The following COX10 variants were observed in gnomAD, a reference collection of about 807,000 sequenced individuals.
COX10 encodes protoheme IX farnesyltransferase, mitochondrial.
A neutral mutation model predicts 37.3 loss-of-function variants in COX10; 27 were observed. That is an observed-to-expected ratio of 0.72 (90% CI 0.53 to 1.00). COX10 has a LOEUF of 1.00. Ranked by LOEUF, COX10 falls within the 50% of genes least tolerant of loss-of-function variation. COX10 has a pLI of 0.00. For missense variants in COX10, 475 were observed against 563.2 expected, an observed-to-expected ratio of 0.84 and a Z score of 1.59; for synonymous variants, 222 against 229.1, an observed-to-expected ratio of 0.97 and a Z score of 0.28.
intron 5 of COX10, among the ~76,000 whole-genome samples, chr17:14,170,660 A>G (rs1030671589): frequency 6.6e-6 from 1 of 152,092 alleles, no homozygotes; most frequent in African/African-American, 2.4e-5. Flanking sequence ...ACAGAAAAAA[A>G]TTTTAAAATT....
rs144563371 is a variant in COX10 at position 14,203,583 on chromosome 17, C to G, written c.929-3227C>G. Among the ~76,000 whole-genome samples, 27 of 152,294 alleles carry G rather than the reference C, an allele frequency of 1.8e-4. No homozygotes were observed. In the East Asian group the frequency reaches 5.2e-3, roughly 29 times the overall value. On this transcript the variant is annotated intron_variant, in intron 6 of 6. Coordinates refer to ENST00000261643, the MANE Select transcript of COX10 (RefSeq NM_001303.4). ...TTTAGATGACTTGCAAAGCCTGCCC[C>G]TAGTGTCACTCTGCACTCTGTGCTG...
At chr17:14,069,680 G>A (rs763650376) in intron 1 of COX10, 32 bp downstream of exon 1, 8 of 1,613,734 alleles carry the variant, frequency 5.0e-6, no homozygotes, top group East Asian at 2.2e-5. Context: ...CGACCTTGGG[G>A]GAAATTCTTC....
chr17:14,113,605 G>A (rs564527889), intron 4 of COX10, among the ~76,000 whole-genome samples: 1 of 152,118 alleles, frequency 6.6e-6, no homozygotes, highest in Non-Finnish European at 1.5e-5. Context: ...TTAGCTCGTA[G>A]ATTCAGCTGC....
intron 3 of COX10, among the ~76,000 whole-genome samples, chr17:14,081,992 G>A (rs1471455195): frequency 1.3e-5 from 2 of 152,198 alleles, no homozygotes; most frequent in Non-Finnish European, 2.9e-5. Context: ...CAGGTGGAGA[G>A]ACCCAGTGGG....
At chr17:14,166,547 A>G (rs528929190) in intron 5 of COX10, among the ~76,000 whole-genome samples, 3 of 151,906 alleles carry the variant, frequency 2.0e-5, no homozygotes, top group African/African-American at 7.2e-5. Flanking sequence ...CAAGGAAACT[A>G]ATGTTTTCAT....
chr17:14,161,323 T>C (rs1905166296), intron 5 of COX10, among the ~76,000 whole-genome samples: 1 of 152,154 alleles, frequency 6.6e-6, no homozygotes, highest in South Asian at 2.1e-4. Context: ...ATCCCTAATG[T>C]CCAAAGGCCC....
intron 4 of COX10, among the ~76,000 whole-genome samples, chr17:14,151,067 GA>G (rs11355971): frequency 0.44 from 66,259 of 150,118 alleles, 15,161 homozygotes; most frequent in African/African-American, 0.59. Context: ...TAAAGCACAG[GA>G]AAAAAAAAAT....
At chr17:14,107,191 T>A (rs1915912553) in intron 4 of COX10, among the ~76,000 whole-genome samples, 1 of 150,610 alleles carries the variant, frequency 6.6e-6, no homozygotes, top group Non-Finnish European at 1.5e-5. Context: ...CACTCCCAAT[T>A]AGGAACCACT....
At chr17:14,161,555 G>A (rs1905170387) in intron 5 of COX10, among the ~76,000 whole-genome samples, 1 of 152,170 alleles carries the variant, frequency 6.6e-6, no homozygotes, top group African/African-American at 2.4e-5. Flanking sequence ...GTTTCCAGAG[G>A]AGGATAGTGT....
At chr17:14,151,298 C>A (rs1904885138) in intron 4 of COX10, among the ~76,000 whole-genome samples, 1 of 152,092 alleles carries the variant, frequency 6.6e-6, no homozygotes, top group South Asian at 2.1e-4. Context: ...TTGCTGGGCC[C>A]TCACTGAAAT....
Position 14,178,377 on chromosome 17 carries a change from T to A in COX10, c.696-13612T>A, listed in dbSNP as rs534356836. Reference sequence around the variant, plus strand: ...GGGTCCTTGGGACCCCTTTTCTGTCTTATGGTCTTCCGTGCTGTAAGACCT... The same window carrying A: ...GGGTCCTTGGGACCCCTTTTCTGTCATATGGTCTTCCGTGCTGTAAGACCT... On this transcript the variant is annotated intron_variant, in intron 5 of 6. Transcript: ENST00000261643. Among the ~76,000 whole-genome samples the A allele has an allele frequency of 4.6e-5, 5 of 107,994 alleles. No homozygotes were observed. The East Asian group carries it at 1.2e-3, about 26-fold the overall frequency. 70.8% of individuals were successfully genotyped at this position (107,994 alleles called of 152,430 possible).
intron 3 of COX10, among the ~76,000 whole-genome samples, chr17:14,097,453 A>G (rs775163867): frequency 2.0e-5 from 3 of 152,024 alleles, no homozygotes; most frequent in Admixed American, 6.6e-5. Context: ...TGTAAATTTC[A>G]TCATTATTAT....
chr17:14,077,064 G>T lies in COX10; in HGVS notation c.499+8G>T, dbSNP rs773505834. ...CCAAAATCAAACTCACAGGTACTTT[G>T]TTTTTCTGATATACTTACTTATTTG... On this transcript the variant is annotated splice_region_variant and intron_variant, in intron 3 of 6. Transcript: ENST00000261643. 6.2e-7 allele frequency: 1 copy of T among 1,613,398 alleles called. No individual in the cohort carries two copies. The highest frequency in any genetic ancestry group is 1.1e-5 in the South Asian group (1 of 90,952).
At chr17:14,174,134 G>C (rs1905576051) in intron 5 of COX10, among the ~76,000 whole-genome samples, 1 of 151,060 alleles carries the variant, frequency 6.6e-6, no homozygotes. Flanking sequence ...ATAGAAAGAA[G>C]TCTTAAACTC....
At chr17:14,157,264 G>T (rs142499646) in intron 4 of COX10, among the ~76,000 whole-genome samples, 1,842 of 152,308 alleles carry the variant, frequency 0.012, 13 homozygotes, top group Middle Eastern at 0.044. Flanking sequence ...AGCAGGTTCT[G>T]AATCTAACTG....
intron 4 of COX10, among the ~76,000 whole-genome samples, chr17:14,133,147 T>A (rs537380424): frequency 1.3e-5 from 2 of 151,832 alleles, no homozygotes; most frequent in East Asian, 3.9e-4. Flanking sequence ...CCCTCAAATG[T>A]ATTAAAAATA....
chr17:14,099,079 A>C (rs1468710269), intron 3 of COX10, among the ~76,000 whole-genome samples: 1 of 151,954 alleles, frequency 6.6e-6, no homozygotes, highest in African/African-American at 2.4e-5. Context: ...TTCAGCTCCT[A>C]ATCTGCTCAT....
Position 14,102,152 on chromosome 17 carries a change from A to C in COX10, c.534A>C (p.Ala178=), listed in dbSNP as rs199583573. 7 of 1,613,582 alleles carry C rather than the reference A, an allele frequency of 4.3e-6. No individual in the cohort carries two copies. The highest frequency in any genetic ancestry group is 5.1e-6 in the Non-Finnish European group (6 of 1,179,766). ...LVVSTTAAGF[A]LAPGPFDWPC... is the part of the protein sequence containing the mutation. ...TAAGTACCACTGCAGCTGGATTTGC[A>C]TTGGCTCCGGGCCCTTTTGACTGGC... Residue 178 remains alanine, a synonymous_variant, in exon 4 of 7, where the codon GCA becomes GCC. Coordinates refer to ENST00000261643, the MANE Select transcript of COX10 (RefSeq NM_001303.4).
chr17:14,121,957 A>G (rs1206357488), intron 4 of COX10, among the ~76,000 whole-genome samples: 1 of 152,110 alleles, frequency 6.6e-6, no homozygotes, highest in African/African-American at 2.4e-5. Flanking sequence ...GGAGAGGCCT[A>G]GAATGTCAGA....
Sources: allele counts gnomAD v4.1 joint callset (sites outside exome capture counted in the v4.1 genomes callset), GRCh38; gene constraint gnomAD v4.1.1; transcripts MANE v1.5; gene names NCBI Gene and HGNC (gene_info 2026-07-23, HGNC 2026-07-21).